Variants in SEMA3A observed in about 807,000 individuals in gnomAD.
SEMA3A encodes semaphorin 3A.
Under a neutral mutation model 97.9 loss-of-function variants are expected in SEMA3A, and 29 were observed. The ratio of observed to expected loss-of-function variants is 0.30; its 90% CI spans 0.22 to 0.40. The LOEUF is 0.40. Ranked by LOEUF, SEMA3A falls within the 10% of genes least tolerant of loss-of-function variation. SEMA3A has a pLI of 1.00. For synonymous variants in SEMA3A, 321 were observed against 323.7 expected, an observed-to-expected ratio of 0.99 and a Z score of 0.09; for missense variants, 763 against 951.3, an observed-to-expected ratio of 0.80 and a Z score of 2.60.
At chr7:84,407,250 A>G (rs1168555256) in intron 1 of SEMA3A, among the ~76,000 whole-genome samples, 1 of 151,806 alleles carries the variant, frequency 6.6e-6, no homozygotes, top group African/African-American at 2.4e-5. Flanking sequence ...ATTTTTATAC[A>G]CCAATAACAG....
At chr7:84,354,974 A>G (rs186447772) in intron 2 of SEMA3A, among the ~76,000 whole-genome samples, 236 of 151,830 alleles carry the variant, frequency 1.6e-3, no homozygotes, top group African/African-American at 5.0e-3. Context: ...TCCTATTTCA[A>G]CTTCTTCAGA....
At chr7:84,303,887 TA>T (rs1484746297) in intron 3 of SEMA3A, among the ~76,000 whole-genome samples, 1 of 152,188 alleles carries the variant, frequency 6.6e-6, no homozygotes, top group Non-Finnish European at 1.5e-5. Flanking sequence ...CGACTTACTA[TA>T]TTTTCAATTA....
chr7:84,086,547 C>CATATAATATATTATTATATTATATTTAA (rs1794369563), intron 4 of SEMA3A, among the ~76,000 whole-genome samples: 2 of 51,110 alleles, frequency 3.9e-5, no homozygotes, highest in Non-Finnish European at 6.3e-5. Flanking sequence ...ATTATATTTA[C>CATATAATATATTATTATATTATATTTAA]ATATAATATA....
At chr7:84,365,546 C>T (rs1381788645) in intron 2 of SEMA3A, among the ~76,000 whole-genome samples, 1 of 151,542 alleles carries the variant, frequency 6.6e-6, no homozygotes, top group African/African-American at 2.4e-5. Context: ...AGACTTCTTT[C>T]TCAAAGTAAA....
intron 4 of SEMA3A, among the ~76,000 whole-genome samples, chr7:84,100,243 T>C (rs2115895335): frequency 6.6e-6 from 1 of 152,256 alleles, no homozygotes; most frequent in South Asian, 2.1e-4. Flanking sequence ...CACTAAGTAT[T>C]TCTGAAGTGT....
chr7:84,124,933 A>C lies in SEMA3A; in HGVS notation c.333+4190T>G, dbSNP rs1730640660. On this transcript the variant is annotated intron_variant, in intron 3 of 16. Coordinates refer to ENST00000265362, the MANE Select transcript of SEMA3A (RefSeq NM_006080.3). ...TATAAATGAATAAAATATATCTTGCATAAAAAATGTATGAAAAGCAATATT... is the reference window on the plus strand; with the variant it reads ...TATAAATGAATAAAATATATCTTGCCTAAAAAATGTATGAAAAGCAATATT... Among the ~76,000 whole-genome samples the C allele has an allele frequency of 2.0e-5, 3 of 151,972 alleles. No homozygotes were observed. The South Asian group carries it at 6.2e-4, about 31-fold the overall frequency.
rs371479546 is a variant in SEMA3A, at chr7:84,142,469, G to A, written c.113-7518C>T. ...TATCAGGAATATCCTAGGTCACAGA[G>A]CTAGTATGATGTAGAGTTAAGATAA... On this transcript the variant is annotated intron_variant, in intron 1 of 16. Transcript: ENST00000265362. 4.6e-5 allele frequency among the ~76,000 whole-genome samples: 7 copies of A among 152,236 alleles called. No homozygotes were observed. The South Asian group carries it at 1.0e-3, about 23-fold the overall frequency.
chr7:84,266,313 C>CAAAAAAAAAA (rs57809084), intron 3 of SEMA3A, among the ~76,000 whole-genome samples: 2 of 70,482 alleles, frequency 2.8e-5, no homozygotes, highest in Non-Finnish European at 5.0e-5. Flanking sequence ...GATTTGGTCT[C>CAAAAAAAAAA]AAAAAAAAAA....
upstream of SEMA3A, among the ~76,000 whole-genome samples, chr7:84,198,141 A>G (rs984684122): frequency 1.3e-5 from 2 of 152,122 alleles, no homozygotes; most frequent in African/African-American, 4.8e-5. Context: ...ATTTTACTGT[A>G]TCACTTACTA....
chr7:84,293,612 G>T (rs1800801783), intron 3 of SEMA3A, among the ~76,000 whole-genome samples: 1 of 151,940 alleles, frequency 6.6e-6, no homozygotes, highest in Non-Finnish European at 1.5e-5. Context: ...ATGGGGAGAA[G>T]TCACAGTTCC....
chr7:84,384,997 G>A (rs1231713990), intron 1 of SEMA3A, among the ~76,000 whole-genome samples: 2 of 151,552 alleles, frequency 1.3e-5, no homozygotes. Context: ...TCTATATCAG[G>A]TTCAGATGTC....
At chr7:83,971,176 G>A (rs1240530384) in intron 15 of SEMA3A, among the ~76,000 whole-genome samples, 4 of 152,170 alleles carry the variant, frequency 2.6e-5, no homozygotes, top group Admixed American at 6.5e-5. Context: ...TGTAACTCCA[G>A]CACTTTGGGA....
chr7:84,110,373 T>G, intron 4 of SEMA3A, 97 bp downstream of exon 4: 9 of 1,397,478 alleles, frequency 6.4e-6, no homozygotes, highest in Non-Finnish European at 8.9e-6. Flanking sequence ...CACTGAATAG[T>G]GAACCACAAG....
In SEMA3A at chr7:84,112,279, A is replaced by G. The variant is rs535629426; in HGVS notation, c.334-1690T>C. 3.9e-5 allele frequency among the ~76,000 whole-genome samples: 6 copies of G among 152,288 alleles called. No individual in the cohort carries two copies. The East Asian group carries it at 1.2e-3, about 29-fold the overall frequency. Reference sequence around the variant, plus strand: ...ATTAGAAATAACCAGTTCCAGCACCATATGCTGAAACCAAGAAATTGGCTG... The same window carrying G: ...ATTAGAAATAACCAGTTCCAGCACCGTATGCTGAAACCAAGAAATTGGCTG... On this transcript the variant is annotated intron_variant, in intron 3 of 16. Transcript: ENST00000265362.
chr7:84,079,583 C>T (rs1291869319), intron 4 of SEMA3A, among the ~76,000 whole-genome samples: 1 of 152,090 alleles, frequency 6.6e-6, no homozygotes, highest in South Asian at 2.1e-4. Context: ...ATTTAGGCAG[C>T]CAACAGACAT....
intron 1 of SEMA3A, among the ~76,000 whole-genome samples, chr7:84,394,958 C>CA (rs890551834): frequency 6.6e-6 from 1 of 152,052 alleles, no homozygotes; most frequent in Non-Finnish European, 1.5e-5. Flanking sequence ...GCACCAAGCC[C>CA]ATGGGATCTT....
At chr7:84,030,015 A>C (rs1346711861) in intron 6 of SEMA3A, among the ~76,000 whole-genome samples, 1 of 152,140 alleles carries the variant, frequency 6.6e-6, no homozygotes, top group Admixed American at 6.5e-5. Context: ...GTGGAATATA[A>C]ATAAAAACAC....
intron 1 of SEMA3A, among the ~76,000 whole-genome samples, chr7:84,422,136 C>T (rs1010691819): frequency 4.6e-5 from 7 of 152,028 alleles, no homozygotes; most frequent in African/African-American, 1.4e-4. Context: ...GCTGTGAATC[C>T]GTCTGGTCCT....
At chr7:84,362,737 C>A (rs1362517712) in intron 2 of SEMA3A, among the ~76,000 whole-genome samples, 1 of 151,830 alleles carries the variant, frequency 6.6e-6, no homozygotes, top group South Asian at 2.1e-4. Context: ...ATGGTAACAT[C>A]CATTTTCTAA....
Sources: allele counts gnomAD v4.1 joint callset (sites outside exome capture counted in the v4.1 genomes callset), GRCh38; gene constraint gnomAD v4.1.1; transcripts MANE v1.5; gene names NCBI Gene and HGNC (gene_info 2026-07-23, HGNC 2026-07-21).